The following SLC4A4 variants were observed in gnomAD, a reference collection of about 807,000 sequenced individuals.
SLC4A4 encodes solute carrier family 4 member 4.
In SLC4A4, 27 loss-of-function variants were observed where a neutral mutation model predicts 111.5. The ratio of observed to expected loss-of-function variants is 0.24; its 90% CI spans 0.18 to 0.33. The LOEUF is 0.33. SLC4A4 is among the 10% of genes least tolerant of loss of function. SLC4A4 has a pLI of 1.00. For synonymous variants in SLC4A4, 443 were observed against 463.4 expected, an observed-to-expected ratio of 0.96 and a Z score of 0.57; for missense variants, 909 against 1,315.5, an observed-to-expected ratio of 0.69 and a Z score of 4.78.
chr4:71,298,130 C>T (rs1317545473), intron 3 of SLC4A4, among the ~76,000 whole-genome samples: 2 of 152,160 alleles, frequency 1.3e-5, no homozygotes, highest in East Asian at 1.9e-4. Context: ...TAAACTGCCA[C>T]ACAAATGTTG....
chr4:71,203,105 A>G (rs1333053340), intron 1 of SLC4A4, among the ~76,000 whole-genome samples: 1 of 152,092 alleles, frequency 6.6e-6, no homozygotes. Flanking sequence ...GAGGTAGACT[A>G]CTAGATGTGT....
In SLC4A4 at chr4:71,330,404, GA is replaced by G. The variant is rs1244887084; in HGVS notation, c.254-8964del. Among the ~76,000 whole-genome samples the G allele has an allele frequency of 4.6e-5, 7 of 152,194 alleles. No homozygotes were observed. In the East Asian group the frequency reaches 9.6e-4, roughly 21 times the overall value. On this transcript the variant is annotated intron_variant, in intron 3 of 25. Transcript: ENST00000264485. ...AACAGAGATATAGACCAATGGAACAGAACAGAGCCCTCAGAAATAATACCAC... is the reference window on the plus strand; with the variant it reads ...AACAGAGATATAGACCAATGGAACAGACAGAGCCCTCAGAAATAATACCAC...
At chr4:71,282,979 T>C (rs1723643332) in intron 3 of SLC4A4, among the ~76,000 whole-genome samples, 1 of 152,162 alleles carries the variant, frequency 6.6e-6, no homozygotes, top group Admixed American at 6.5e-5. Context: ...GACTATTACA[T>C]TGAGAGCTGA....
intron 6 of SLC4A4, among the ~76,000 whole-genome samples, chr4:71,381,979 T>C (rs758632999): frequency 1.8e-4 from 28 of 152,138 alleles, no homozygotes; most frequent in Non-Finnish European, 3.7e-4. Context: ...CGTTAGGTAG[T>C]GAGAGATCTA....
intron 21 of SLC4A4, among the ~76,000 whole-genome samples, chr4:71,556,807 T>A (rs1181842523): frequency 1.3e-5 from 2 of 151,926 alleles, no homozygotes; most frequent in African/African-American, 2.4e-5. Flanking sequence ...TAGAGAAGAT[T>A]GTGATGGTCT....
intron 5 of SLC4A4, among the ~76,000 whole-genome samples, chr4:71,350,790 T>G (rs926226935): frequency 6.6e-6 from 1 of 152,130 alleles, no homozygotes; most frequent in Non-Finnish European, 1.5e-5. Context: ...GACAAGAATG[T>G]TACACTGGTC....
chr4:71,231,443 C>G (rs991784684), intron 1 of SLC4A4, among the ~76,000 whole-genome samples: 2 of 152,178 alleles, frequency 1.3e-5, no homozygotes, highest in African/African-American at 4.8e-5. Flanking sequence ...TGGTGAAAGC[C>G]GGTCCTTTTG....
At chr4:71,274,960 G>C (rs1287071406) in intron 3 of SLC4A4, among the ~76,000 whole-genome samples, 1 of 151,700 alleles carries the variant, frequency 6.6e-6, no homozygotes, top group African/African-American at 2.4e-5. Flanking sequence ...CTCAAAAGTA[G>C]TTTGCTGAAG....
intron 2 of SLC4A4, among the ~76,000 whole-genome samples, chr4:71,238,592 C>T (rs1719966048): frequency 6.6e-6 from 1 of 152,178 alleles, no homozygotes; most frequent in Non-Finnish European, 1.5e-5. Flanking sequence ...GAGCTGACTA[C>T]ATTTCTTCCA....
In SLC4A4 at chr4:71,569,730, TAA is replaced by T. The variant is rs1476904594; in HGVS notation, c.*1980_*1981del. On this transcript the variant is annotated 3_prime_UTR_variant, in exon 26 of 26. Transcript: ENST00000264485. Reference sequence around the variant, plus strand: ...TATTGACTCCCACTCATTGTTATGTTAATTAAGTTATTATTCTGTCTCCTTGT... The same window carrying T: ...TATTGACTCCCACTCATTGTTATGTTTTAAGTTATTATTCTGTCTCCTTGT... The T allele has an allele frequency of 6.6e-6, 1 of 151,732 alleles. No individual in the cohort carries two copies. The highest frequency in any genetic ancestry group is 1.5e-5 in the Non-Finnish European group (1 of 67,778). 9.4% of individuals were successfully genotyped at this position (151,732 alleles called of 1,614,324 possible). A position where few individuals can be genotyped will look rare whatever the true frequency, so the allele number is the denominator to read the frequency against.
intron 15 of SLC4A4, among the ~76,000 whole-genome samples, chr4:71,495,178 G>A (rs920518599): frequency 6.6e-6 from 1 of 152,038 alleles, no homozygotes; most frequent in African/African-American, 2.4e-5. Flanking sequence ...AAGAAGACAT[G>A]TCTGTCATTT....
rs1481210212 is a variant in SLC4A4, at chr4:71,569,308, C to A, written c.*1557C>A. On this transcript the variant is annotated 3_prime_UTR_variant, in exon 26 of 26. Transcript: ENST00000264485. ...AAAATTCATAGGAGTATTAATAGCC[C>A]ATTTACACATCTATAAAATGTAATG... 1.3e-5 allele frequency: 2 copies of A among 151,472 alleles called. No homozygotes were observed. The highest frequency in any genetic ancestry group is 3.0e-5 in the Non-Finnish European group (2 of 67,758). 9.4% of individuals were successfully genotyped at this position (151,472 alleles called of 1,614,324 possible).
At chr4:71,340,031 A>G (rs1728762822) in intron 4 of SLC4A4, among the ~76,000 whole-genome samples, 2 of 151,678 alleles carry the variant, frequency 1.3e-5, no homozygotes, top group Non-Finnish European at 2.9e-5. Flanking sequence ...AGCCTGGGCA[A>G]CATAATGGGA....
chr4:71,439,754 T>C (rs949500423), intron 7 of SLC4A4, among the ~76,000 whole-genome samples: 7 of 151,882 alleles, frequency 4.6e-5, no homozygotes, highest in Admixed American at 3.9e-4. Flanking sequence ...TCCTTTCTTA[T>C]GGTACCAAAT....
chr4:71,251,597 A>T (rs1331861261), intron 2 of SLC4A4, among the ~76,000 whole-genome samples: 1 of 152,216 alleles, frequency 6.6e-6, no homozygotes, highest in South Asian at 2.1e-4. Flanking sequence ...TGAACACATG[A>T]TACTGAAGCC....
chr4:71,419,485 A>T (rs1181030892), intron 7 of SLC4A4, among the ~76,000 whole-genome samples: 1 of 152,254 alleles, frequency 6.6e-6, no homozygotes, highest in African/African-American at 2.4e-5. Context: ...CCGTGGGCGT[A>T]GGACCCTCCG....
At chr4:71,444,191 T>C (rs1455671493) in intron 8 of SLC4A4, among the ~76,000 whole-genome samples, 1 of 152,230 alleles carries the variant, frequency 6.6e-6, no homozygotes, top group Non-Finnish European at 1.5e-5. Context: ...CTAGCTCCTT[T>C]TCTCATATTA....
At chr4:71,464,632 T>C (rs1216227423) in intron 12 of SLC4A4, among the ~76,000 whole-genome samples, 1 of 152,168 alleles carries the variant, frequency 6.6e-6, no homozygotes, top group Admixed American at 6.6e-5. Context: ...GTATTTGCCA[T>C]GAGAGAAGCC....
At chr4:71,236,816 G>C (rs1719846651) in intron 2 of SLC4A4, among the ~76,000 whole-genome samples, 167 bp downstream of exon 2, 1 of 152,112 alleles carries the variant, frequency 6.6e-6, no homozygotes, top group South Asian at 2.1e-4. Flanking sequence ...GTAATTTTAA[G>C]AACTTCACTG....
Sources: gnomAD v4.1 joint callset for allele counts (sites outside exome capture counted in the v4.1 genomes callset) on GRCh38, gnomAD v4.1.1 for gene constraint, MANE v1.5 for transcripts, NCBI Gene and HGNC (gene_info 2026-07-23, HGNC 2026-07-21) for gene names.